The following DYSF variants were observed in gnomAD, a reference collection of about 807,000 sequenced individuals.
DYSF encodes dystrophy-associated fer-1-like 1.
In DYSF, 212 loss-of-function variants were observed where a neutral mutation model predicts 274.9. The observed-to-expected ratio is 0.77, with a 90% CI of 0.69 to 0.86. The LOEUF (loss-of-function observed/expected upper bound fraction) is 0.86. DYSF is among the 40% of genes least tolerant of loss of function. DYSF has a pLI of 0.00. For missense variants in DYSF, 2,666 were observed against 2,783.2 expected (o/e 0.96, Z 0.95); for synonymous variants, 1,091 against 1,078.7 (o/e 1.01, Z -0.22).
chr2:71,528,514 A>G, intron 14 of DYSF, 113 bp downstream of exon 14: 2 of 905,608 alleles, frequency 2.2e-6, no homozygotes, highest in Non-Finnish European at 3.5e-6. Context: ...AGGTGTGTGC[A>G]CAAGGAGTGG....
intron 3 of DYSF, among the ~76,000 whole-genome samples, chr2:71,490,445 T>G (rs947715698): frequency 9.2e-5 from 14 of 152,302 alleles, no homozygotes; most frequent in African/African-American, 3.1e-4. Flanking sequence ...GTTCAAGTGA[T>G]TCTCCTGCCT....
intron 1 of DYSF, among the ~76,000 whole-genome samples, chr2:71,457,000 A>C (rs1183793676): frequency 6.6e-6 from 1 of 152,160 alleles, no homozygotes; most frequent in African/African-American, 2.4e-5. Flanking sequence ...AATTGACCAA[A>C]AGATGGAGGA....
chr2:71,529,288 C>T (rs745473297), intron 14 of DYSF, among the ~76,000 whole-genome samples: 11 of 152,202 alleles, frequency 7.2e-5, no homozygotes, highest in Non-Finnish European at 1.2e-4. Flanking sequence ...ATCCCTACCT[C>T]GTGCCCCCAC....
At chr2:71,605,297 C>T (rs1033829131) in intron 36 of DYSF, among the ~76,000 whole-genome samples, 6 of 152,222 alleles carry the variant, frequency 3.9e-5, no homozygotes, top group Admixed American at 1.3e-4. Flanking sequence ...GTCCTTGCTG[C>T]CAAGGGGAAT....
intron 16 of DYSF, among the ~76,000 whole-genome samples, chr2:71,538,564 G>T (rs1307580671): frequency 6.6e-6 from 1 of 152,224 alleles, no homozygotes; most frequent in African/African-American, 2.4e-5. Context: ...GTGCAACAGA[G>T]ATAATAATAA....
At chr2:71,494,993 G>A (rs2084232615) in intron 3 of DYSF, among the ~76,000 whole-genome samples, 1 of 152,218 alleles carries the variant, frequency 6.6e-6, no homozygotes, top group Admixed American at 6.5e-5. Context: ...TGGGTGGGAT[G>A]GGAATGTGCA....
intron 16 of DYSF, 95 bp downstream of exon 16, chr2:71,535,406 G>A: frequency 7.6e-7 from 1 of 1,311,596 alleles, no homozygotes; most frequent in South Asian, 1.2e-5. Context: ...TAGTAAGAGT[G>A]TGAGGGAGAA....
intron 30 of DYSF, among the ~76,000 whole-genome samples, chr2:71,584,421 C>CCCCATT (rs1207555797): frequency 6.6e-6 from 1 of 152,166 alleles, no homozygotes; most frequent in Non-Finnish European, 1.5e-5. Flanking sequence ...CAAAGGCCTA[C>CCCCATT]CCCATTCCAT....
At chr2:71,638,361 C>CAAA (rs34513312) in intron 41 of DYSF, among the ~76,000 whole-genome samples, 38 of 130,088 alleles carry the variant, frequency 2.9e-4, no homozygotes, top group African/African-American at 6.2e-4. Context: ...CTCATCACTG[C>CAAA]AAAAAAAAAA....
intron 3 of DYSF, among the ~76,000 whole-genome samples, chr2:71,491,473 T>G (rs947084474): frequency 2.0e-5 from 3 of 152,204 alleles, no homozygotes; most frequent in Non-Finnish European, 4.4e-5. Flanking sequence ...TAGGTAAACT[T>G]GTGTCATGGG....
intron 16 of DYSF, among the ~76,000 whole-genome samples, chr2:71,536,377 A>C (rs1202499709): frequency 6.6e-6 from 1 of 152,220 alleles, no homozygotes; most frequent in African/African-American, 2.4e-5. Context: ...GAGGAGAGGA[A>C]AGAGAGCCGC....
chr2:71,617,645 GGT>G (rs1342367950), intron 40 of DYSF, among the ~76,000 whole-genome samples: 13 of 141,164 alleles, frequency 9.2e-5, no homozygotes, highest in Non-Finnish European at 1.7e-4. Flanking sequence ...TGGCAGAGGT[GGT>G]GTGTGTGTGG....
intron 34 of DYSF, 114 bp downstream of exon 34, chr2:71,600,956 A>G: frequency 2.8e-6 from 4 of 1,436,160 alleles, no homozygotes; most frequent in Non-Finnish European, 3.8e-6. Flanking sequence ...GCTGAGACCC[A>G]TTTTCTGAAC....
At chr2:71,555,872 G>C in intron 21 of DYSF, 93 bp from the exon 22 acceptor site, 1 of 985,112 alleles carries the variant, frequency 1.0e-6, no homozygotes. Context: ...CTCCTTTTTG[G>C]TTCAGTAGCA....
At chr2:71,526,410 G>GTT in intron 13 of DYSF, 64 bp downstream of exon 13, 6 of 1,463,008 alleles carry the variant, frequency 4.1e-6, no homozygotes, top group African/African-American at 1.4e-5. Context: ...GCTGGTGGGG[G>GTT]TGGGCGATGG....
intron 36 of DYSF, among the ~76,000 whole-genome samples, chr2:71,610,615 TC>T (rs1394641284): frequency 1.3e-5 from 2 of 152,314 alleles, no homozygotes; most frequent in East Asian, 3.9e-4. Flanking sequence ...AGAGAGACCC[TC>T]CCCAGCAGTG....
intron 1 of DYSF, among the ~76,000 whole-genome samples, chr2:71,459,930 GC>G (rs1298011120): frequency 6.6e-6 from 1 of 152,092 alleles, no homozygotes; most frequent in African/African-American, 2.4e-5. Context: ...TTCCAAACAG[GC>G]CCCTCAAGCC....
chr2:71,588,302 T>C (rs1306056029), intron 30 of DYSF, among the ~76,000 whole-genome samples: 1 of 151,754 alleles, frequency 6.6e-6, no homozygotes, highest in African/African-American at 2.4e-5. Context: ...TGACCGAGGG[T>C]GATGAAGCTG....
rs77498661 is a variant in DYSF, at chr2:71,633,211, G to A, written c.4528-10754G>A. Reference sequence around the variant, plus strand: ...GGCATATGTCTTTGTGGCTTTGGGGGGCATAAGTGATTTGGTATACACAGG... The same window carrying A: ...GGCATATGTCTTTGTGGCTTTGGGGAGCATAAGTGATTTGGTATACACAGG... On this transcript the variant is annotated intron_variant, in intron 41 of 55. Transcript: ENST00000410020. Among the ~76,000 whole-genome samples the A allele has an allele frequency of 4.3e-4, 66 of 152,296 alleles. No homozygotes were observed. The East Asian group carries it at 9.6e-3, about 22-fold the overall frequency.
Sources: gnomAD v4.1 joint callset for allele counts (sites outside exome capture counted in the v4.1 genomes callset) on GRCh38, gnomAD v4.1.1 for gene constraint, MANE v1.5 for transcripts, NCBI Gene and HGNC (gene_info 2026-07-23, HGNC 2026-07-21) for gene names.